Variants in PTPRO observed in about 807,000 individuals in gnomAD.
PTPRO encodes protein tyrosine phosphatase receptor type O.
A neutral mutation model predicts 145.2 loss-of-function variants in PTPRO; 62 were observed. That is an observed-to-expected ratio of 0.43 (90% CI 0.35 to 0.53). The LOEUF is 0.53. Among genes scored for constraint, PTPRO ranks in the 20% least tolerant of loss-of-function variants. The pLI, the probability that PTPRO is intolerant of heterozygous loss-of-function variation, is 0.01. For missense variants in PTPRO, 1,345 were observed against 1,482.7 expected (o/e 0.91, Z 1.53); for synonymous variants, 565 against 514.7 (o/e 1.10, Z -1.32).
Position 15,549,320 on chromosome 12 carries a change from C to T in PTPRO, c.2437+94C>T, listed in dbSNP as rs531192914. On this transcript the variant is annotated intron_variant, in intron 14 of 26. Coordinates refer to ENST00000281171, the MANE Select transcript of PTPRO (RefSeq NM_030667.3). ...CAATATTCCACCAAGAAATCCCAAG[C>T]TTCGGAGTCAGAGAGTCCTTAATTT... The T allele has an allele frequency of 1.9e-5, 20 of 1,071,206 alleles. No individual in the cohort carries two copies. The African/African-American group carries it at 3.1e-4, about 17-fold the overall frequency. 66.4% of individuals were successfully genotyped at this position (1,071,206 alleles called of 1,614,324 possible).
intron 1 of PTPRO, among the ~76,000 whole-genome samples, chr12:15,392,612 T>G (rs555474451): frequency 4.6e-5 from 7 of 150,626 alleles, no homozygotes; most frequent in African/African-American, 1.7e-4. Flanking sequence ...TCCCAGCTAC[T>G]TGGGAGGCTG....
chr12:15,358,537 TG>T (rs756893019), intron 1 of PTPRO, among the ~76,000 whole-genome samples: 13 of 152,198 alleles, frequency 8.5e-5, no homozygotes, highest in Non-Finnish European at 1.8e-4. Flanking sequence ...ATATTCTTCC[TG>T]CTGCAGACAG....
At position 15,417,684 on chromosome 12, in the gene PTPRO, C is replaced by T. The variant is rs1296982927; in HGVS notation, c.76-66290C>T. ...ATGAGTACGCATTAAGTATTGATCA[C>T]ACTCCAGTTCCTTCTTAGAAAAGAA... On this transcript the variant is annotated intron_variant, in intron 1 of 26. Transcript: ENST00000281171. Among the ~76,000 whole-genome samples, 4 of 151,726 alleles carry T rather than the reference C, an allele frequency of 2.6e-5. 1 individual carries two copies. The highest frequency in any genetic ancestry group is 7.3e-5 in the African/African-American group (3 of 40,998).
At chr12:15,477,967 ACTGCTGGCACTGCC>A (rs1256427402) in intron 1 of PTPRO, among the ~76,000 whole-genome samples, 1 of 152,140 alleles carries the variant, frequency 6.6e-6, no homozygotes, top group Non-Finnish European at 1.5e-5. Flanking sequence ...TTGCTCTTGG[ACTGCTGGCACTGCC>A]CTGCTCCACC....
chr12:15,547,086 C>G (rs1478587965), intron 13 of PTPRO, among the ~76,000 whole-genome samples: 2 of 152,102 alleles, frequency 1.3e-5, no homozygotes, highest in African/African-American at 4.8e-5. Context: ...TCAATATTTG[C>G]CTTCAAAACA....
At chr12:15,410,488 G>A (rs1006488366) in intron 1 of PTPRO, 1 of 152,144 alleles carries the variant, frequency 6.6e-6, no homozygotes, top group African/African-American at 2.4e-5. Context: ...GATGCTTCTG[G>A]TTCTCAGGCC....
At chr12:15,506,711 C>T (rs1032533632) in intron 6 of PTPRO, among the ~76,000 whole-genome samples, 2 of 152,102 alleles carry the variant, frequency 1.3e-5, no homozygotes, top group Non-Finnish European at 2.9e-5. Context: ...CCATCAGGTC[C>T]CTCCCTCGAC....
intron 1 of PTPRO, among the ~76,000 whole-genome samples, chr12:15,464,155 A>C (rs1479127195): frequency 6.6e-6 from 1 of 152,200 alleles, no homozygotes; most frequent in African/African-American, 2.4e-5. Context: ...GCACAGCAGA[A>C]GAGAGAAGGG....
At chr12:15,455,486 T>A (rs1015370072) in intron 1 of PTPRO, among the ~76,000 whole-genome samples, 2 of 152,220 alleles carry the variant, frequency 1.3e-5, no homozygotes, top group African/African-American at 4.8e-5. Flanking sequence ...ATGGTCCATG[T>A]ACACAGGACA....
At chr12:15,509,889 G>A (rs1305890892) in intron 7 of PTPRO, among the ~76,000 whole-genome samples, 1 of 151,998 alleles carries the variant, frequency 6.6e-6, no homozygotes, top group Non-Finnish European at 1.5e-5. Context: ...TAGTGAAACT[G>A]TGCAACTGGA....
At chr12:15,521,770 G>C (rs1942726260) in intron 10 of PTPRO, among the ~76,000 whole-genome samples, 1 of 152,286 alleles carries the variant, frequency 6.6e-6, no homozygotes, top group East Asian at 1.9e-4. Context: ...TGTCTTTTAA[G>C]GGGGAACAAA....
At chr12:15,583,060 T>C (rs955753133) in intron 23 of PTPRO, among the ~76,000 whole-genome samples, 1 of 152,222 alleles carries the variant, frequency 6.6e-6, no homozygotes, top group Non-Finnish European at 1.5e-5. Context: ...TGAGATGTTC[T>C]TCCCTGCTTA....
intron 1 of PTPRO, among the ~76,000 whole-genome samples, chr12:15,374,109 C>G (rs1938611412): frequency 6.6e-6 from 1 of 152,106 alleles, no homozygotes; most frequent in Non-Finnish European, 1.5e-5. Context: ...TTAAACATAA[C>G]ATATTTATTA....
At chr12:15,376,505 C>T (rs181595181) in intron 1 of PTPRO, among the ~76,000 whole-genome samples, 72 of 152,226 alleles carry the variant, frequency 4.7e-4, no homozygotes, top group Non-Finnish European at 1.6e-4. Flanking sequence ...CTCAGATTCA[C>T]GTGATGAAAT....
chr12:15,561,334 G>A (rs1432472459), intron 17 of PTPRO, among the ~76,000 whole-genome samples: 3 of 152,186 alleles, frequency 2.0e-5, no homozygotes, highest in African/African-American at 7.2e-5. Context: ...ATGTTCTCCA[G>A]CTCCTCCAAG....
chr12:15,584,498 C>T (rs973684984), intron 23 of PTPRO, among the ~76,000 whole-genome samples: 3 of 152,182 alleles, frequency 2.0e-5, no homozygotes, highest in African/African-American at 7.2e-5. Context: ...TACTATGCTT[C>T]TTGTCCTTGG....
chr12:15,588,917 T>C (rs1944486411), intron 24 of PTPRO, among the ~76,000 whole-genome samples: 1 of 152,174 alleles, frequency 6.6e-6, no homozygotes, highest in African/African-American at 2.4e-5. Flanking sequence ...CTCAGGAACG[T>C]AGCCATGATA....
chr12:15,562,232 G>A (rs1943791804), intron 17 of PTPRO, among the ~76,000 whole-genome samples: 1 of 152,044 alleles, frequency 6.6e-6, no homozygotes, highest in African/African-American at 2.4e-5. Flanking sequence ...CCCCGCTCGT[G>A]GAAATACAGC....
chr12:15,548,526 A>ATGTG (rs1391237506), intron 13 of PTPRO, among the ~76,000 whole-genome samples: 14 of 133,608 alleles, frequency 1.0e-4, no homozygotes, highest in South Asian at 2.5e-4. Flanking sequence ...GTGTGTATAT[A>ATGTG]TATGTGTGTG....
Sources: allele counts gnomAD v4.1 joint callset (sites outside exome capture counted in the v4.1 genomes callset), GRCh38; gene constraint gnomAD v4.1.1; transcripts MANE v1.5; gene names NCBI Gene and HGNC (gene_info 2026-07-23, HGNC 2026-07-21).